The following PDE1C variants were observed in gnomAD, a reference collection of about 807,000 sequenced individuals.
PDE1C encodes the protein phosphodiesterase 1C, also known as dual specificity calcium/calmodulin-dependent 3',5'-cyclic nucleotide phosphodiesterase 1C.
Under a neutral mutation model 93.1 loss-of-function variants are expected in PDE1C, and 62 were observed. That is an observed-to-expected ratio of 0.67 (90% CI 0.54 to 0.82). The LOEUF is 0.82. PDE1C is among the 40% of genes least tolerant of loss of function. The pLI is 0.00. For missense variants in PDE1C, 742 were observed against 884.6 expected (o/e 0.84, Z 2.04); for synonymous variants, 325 against 310.1 (o/e 1.05, Z -0.50).
chr7:32,040,614 T>C (rs1376082240), intron 2 of PDE1C, among the ~76,000 whole-genome samples: 1 of 152,188 alleles, frequency 6.6e-6, no homozygotes, highest in Non-Finnish European at 1.5e-5. Flanking sequence ...GACACAAGAA[T>C]GTATACTCTC....
chr7:31,697,482 T>C, the PDE1C span, among the ~76,000 whole-genome samples: 1 of 152,140 alleles, frequency 6.6e-6, no homozygotes. Context: ...ACACTTGGAC[T>C]AATTGGCCAA....
At chr7:31,641,798 C>T in the PDE1C span, among the ~76,000 whole-genome samples, 4 of 152,176 alleles carry the variant, frequency 2.6e-5, no homozygotes, top group Non-Finnish European at 5.9e-5. Flanking sequence ...TATACACACA[C>T]ACAAATATAT....
chr7:32,141,250 C>T (rs977435081), intron 3 of PDE1C, among the ~76,000 whole-genome samples: 1 of 152,092 alleles, frequency 6.6e-6, no homozygotes, highest in African/African-American at 2.4e-5. Flanking sequence ...GAGAATAGCT[C>T]AAGGACAGGA....
intron 2 of PDE1C, among the ~76,000 whole-genome samples, chr7:31,911,233 T>C (rs1801207631): frequency 6.6e-6 from 1 of 152,178 alleles, no homozygotes; most frequent in Non-Finnish European, 1.5e-5. Context: ...ATCCTGAAGT[T>C]CTATCTGAAT....
intron 1 of PDE1C, among the ~76,000 whole-genome samples, chr7:32,353,737 G>A (rs527372295): frequency 6.6e-6 from 1 of 151,876 alleles, no homozygotes; most frequent in South Asian, 2.1e-4. Flanking sequence ...TGCATGAGAG[G>A]AACTGGAGCT....
intron 2 of PDE1C, among the ~76,000 whole-genome samples, chr7:31,899,586 C>A (rs1294916880): frequency 6.6e-6 from 1 of 152,044 alleles, no homozygotes; most frequent in Non-Finnish European, 1.5e-5. Flanking sequence ...ACAGATTTTA[C>A]ATCATATATG....
chr7:32,372,055 T>TC (rs1784344569), intron 1 of PDE1C, among the ~76,000 whole-genome samples: 1 of 148,446 alleles, frequency 6.7e-6, no homozygotes, highest in Non-Finnish European at 1.5e-5. Context: ...TCAATTGATT[T>TC]TTTTTTTTTT....
At chr7:31,644,233 A>G in the PDE1C span, among the ~76,000 whole-genome samples, 1 of 152,238 alleles carries the variant, frequency 6.6e-6, no homozygotes, top group African/African-American at 2.4e-5. Context: ...CCATGCATTC[A>G]TATGTCTAAG....
chr7:31,859,183 T>C (rs13243788), intron 7 of PDE1C, among the ~76,000 whole-genome samples: 36,676 of 148,964 alleles, frequency 0.25, 5,079 homozygotes, highest in Non-Finnish European at 0.32. Flanking sequence ...ACATTTATGA[T>C]TTATTGACTA....
chr7:32,088,155 C>T (rs1373629988), intron 3 of PDE1C, among the ~76,000 whole-genome samples: 1 of 151,734 alleles, frequency 6.6e-6, no homozygotes, highest in Non-Finnish European at 1.5e-5. Flanking sequence ...CACTGGAAAC[C>T]ACTACTAATA....
chr7:31,845,253 T>C (rs886143693), intron 9 of PDE1C, among the ~76,000 whole-genome samples: 8 of 152,186 alleles, frequency 5.3e-5, no homozygotes, highest in Non-Finnish European at 1.2e-4. Flanking sequence ...CAATGGCTTA[T>C]CCTAGAGTGT....
intron 1 of PDE1C, among the ~76,000 whole-genome samples, chr7:32,284,692 T>C (rs1811887098): frequency 6.6e-6 from 1 of 152,192 alleles, no homozygotes; most frequent in Non-Finnish European, 1.5e-5. Flanking sequence ...ATCTCTGTGA[T>C]TCCTAAACAA....
At chr7:31,842,442 T>G (rs960302872) in intron 9 of PDE1C, among the ~76,000 whole-genome samples, 2 of 152,132 alleles carry the variant, frequency 1.3e-5, no homozygotes, top group African/African-American at 4.8e-5. Context: ...TGGGAATATT[T>G]TTGATGACAA....
Position 31,823,239 on chromosome 7 carries a change from G to C in PDE1C, c.1416C>G (p.Ser472Arg), listed in dbSNP as rs887227119. The C allele has an allele frequency of 1.2e-6, 2 of 1,605,206 alleles. No homozygotes were observed. The highest frequency in any genetic ancestry group is 1.7e-6 in the Non-Finnish European group (2 of 1,177,350). Residue 472 changes from serine (S) to arginine (R), a missense_variant, in exon 14 of 18, where the codon AGC (serine) becomes AGG (arginine). Ser to Arg is a moderately radical substitution (Grantham distance 110). This residue lies in a region of PDE1C where 454 missense variants were observed against 459.4 expected (regional missense o/e 0.99). Transcript: ENST00000396191. ...GTGQRRSSLN[S>R]ISSSDAKRSG... The stretch of plus-strand genomic sequence containing the variant: ...ATCGCTTGGCATCTGACGAGCTGAT[G>C]CTATTCAAACTGGAAAACAAAAAAA...
chr7:32,056,280 T>C (rs1354984430), intron 1 of PDE1C, among the ~76,000 whole-genome samples: 1 of 148,348 alleles, frequency 6.7e-6, no homozygotes, highest in Admixed American at 6.8e-5. Context: ...AGGTCTAGAG[T>C]GGCACTTTGC....
At chr7:32,328,077 T>A (rs1426544449) in intron 1 of PDE1C, among the ~76,000 whole-genome samples, 1 of 152,210 alleles carries the variant, frequency 6.6e-6, no homozygotes, top group Non-Finnish European at 1.5e-5. Context: ...GAGAGGAATT[T>A]CTGGTTCAAA....
chr7:32,369,641 T>C (rs1370960523), intron 1 of PDE1C, among the ~76,000 whole-genome samples: 1 of 152,210 alleles, frequency 6.6e-6, no homozygotes, highest in Non-Finnish European at 1.5e-5. Context: ...TCTTGCAATT[T>C]ATCCAAAGAA....
chr7:31,858,328 T>C (rs1794272717), intron 7 of PDE1C, among the ~76,000 whole-genome samples: 1 of 152,018 alleles, frequency 6.6e-6, no homozygotes, highest in Non-Finnish European at 1.5e-5. Flanking sequence ...TAAATACAGA[T>C]ATAGGAAAAC....
chr7:32,107,330 G>A (rs1201191066), intron 3 of PDE1C, among the ~76,000 whole-genome samples: 1 of 150,596 alleles, frequency 6.6e-6, no homozygotes, highest in African/African-American at 2.4e-5. Flanking sequence ...AGGGAGGGAG[G>A]AAAGGAAGGA....
Sources: allele counts gnomAD v4.1 joint callset (sites outside exome capture counted in the v4.1 genomes callset), GRCh38; gene constraint gnomAD v4.1.1; regional missense constraint gnomAD v4.1.1; transcripts MANE v1.5; gene names NCBI Gene and HGNC (gene_info 2026-07-23, HGNC 2026-07-21).